CDC25C: variants seen among roughly 807,000 people sequenced by gnomAD.
CDC25C encodes M-phase inducer phosphatase 3.
Under a neutral mutation model 52.5 loss-of-function variants are expected in CDC25C, and 48 were observed. The observed-to-expected ratio is 0.91, with a 90% CI of 0.72 to 1.16. The LOEUF is 1.16. CDC25C is among the 50% of genes most tolerant of loss of function. CDC25C has a pLI of 0.00. For missense variants in CDC25C, 510 were observed against 566.1 expected (o/e 0.90, Z 1.01); for synonymous variants, 187 against 206.5 (o/e 0.91, Z 0.81).
intron 6 of CDC25C, among the ~76,000 whole-genome samples, chr5:138,323,016 T>G: frequency 6.6e-6 from 1 of 151,708 alleles, no homozygotes; most frequent in East Asian, 1.9e-4. Context: ...AGTGCAGTGG[T>G]GTAATCTCAG....
chr5:138,317,697 A>AC (rs1210811521), intron 7 of CDC25C, among the ~76,000 whole-genome samples: 2 of 150,632 alleles, frequency 1.3e-5, no homozygotes, highest in Admixed American at 6.6e-5. Context: ...AAAAAAAAAA[A>AC]AAAAAAAAAA....
intron 7 of CDC25C, among the ~76,000 whole-genome samples, chr5:138,306,295 A>C (rs1006324040): frequency 6.6e-6 from 1 of 152,090 alleles, no homozygotes; most frequent in Non-Finnish European, 1.5e-5. Flanking sequence ...ACAAGAATAT[A>C]AATTCTAGTC....
At chr5:138,306,341 C>T (rs6596428) in intron 7 of CDC25C, among the ~76,000 whole-genome samples, 68,223 of 151,500 alleles carry the variant, frequency 0.45, 16,635 homozygotes, top group South Asian at 0.68. Context: ...GTGCCTAGCA[C>T]ACTTCCCAAC....
At position 138,331,739 on chromosome 5, in the gene CDC25C, A is replaced by G. The variant is rs1254344857; in HGVS notation, c.-183T>C. On this transcript the variant is annotated 5_prime_UTR_variant, in exon 1 of 14. Coordinates refer to ENST00000323760, the MANE Select transcript of CDC25C (RefSeq NM_001790.5). Reference sequence around the variant, plus strand: ...TTGCAGCTCTGCCTTCCGACTGGGTAGGCCAACGTCGGACTCAGAGTCTTC... The same window carrying G: ...TTGCAGCTCTGCCTTCCGACTGGGTGGGCCAACGTCGGACTCAGAGTCTTC... 1.0e-6 allele frequency: 1 copy of G among 989,158 alleles called. No homozygotes were observed. The highest frequency in any genetic ancestry group is 1.7e-5 in the African/African-American group (1 of 57,260). 61.3% of individuals were successfully genotyped at this position (989,158 alleles called of 1,614,324 possible).
intron 7 of CDC25C, among the ~76,000 whole-genome samples, chr5:138,305,560 C>A (rs978150156): frequency 6.6e-6 from 1 of 152,158 alleles, no homozygotes; most frequent in African/African-American, 2.4e-5. Context: ...CACCACCATG[C>A]CTGGCTAATT....
At chr5:138,315,484 A>G (rs1758807456) in intron 7 of CDC25C, among the ~76,000 whole-genome samples, 1 of 152,184 alleles carries the variant, frequency 6.6e-6, no homozygotes, top group Admixed American at 6.5e-5. Context: ...TTATGGAGGT[A>G]TAAATGATAA....
At chr5:138,288,631 G>A (rs1291449219) in intron 10 of CDC25C, among the ~76,000 whole-genome samples, 1 of 152,134 alleles carries the variant, frequency 6.6e-6, no homozygotes, top group African/African-American at 2.4e-5. Context: ...GGCAGAGGTT[G>A]CAGCAAGCCG....
At chr5:138,290,869 C>G in intron 8 of CDC25C, 129 bp from the exon 9 acceptor site, 1 of 609,044 alleles carries the variant, frequency 1.6e-6, no homozygotes. Flanking sequence ...GTAGGGAGAT[C>G]ACTTGAGCCC....
In CDC25C at chr5:138,292,227, G is replaced by A. The variant is rs974884329; in HGVS notation, c.616-111C>T. ...TTGAAATGCAGGTTTCCAGATGTTAGGCCACACCCCAAACCTACTGAATTA... is the reference window on the plus strand; with the variant it reads ...TTGAAATGCAGGTTTCCAGATGTTAAGCCACACCCCAAACCTACTGAATTA... On this transcript the variant is annotated intron_variant, in intron 7 of 13. Coordinates refer to ENST00000323760, the MANE Select transcript of CDC25C (RefSeq NM_001790.5). 6.7e-5 allele frequency: 52 copies of A among 780,748 alleles called. No homozygotes were observed. The African/African-American group carries it at 8.4e-4, about 13-fold the overall frequency. The allele number at this position is 780,748 out of a possible 1,614,324, so 48.4% of individuals were successfully genotyped here. A position where few individuals can be genotyped will look rare whatever the true frequency, so the allele number is the denominator to read the frequency against.
chr5:138,329,628 G>A lies in CDC25C; in HGVS notation c.214C>T (p.Leu72Phe), dbSNP rs1186011577. ...CCACTGCTAAGATTCGAAAGATCGA[G>A]GCAACGTTTTGGGGTTCCTCTGTTG... The part of the protein sequence containing the change: ...ILSGGTPKRC[L>F]DLSNLSSGEI... Residue 72 changes from leucine (L) to phenylalanine (F), a missense_variant, in exon 3 of 14, where the codon CTC becomes TTC. By Grantham distance (22) the Leu-to-Phe change is conservative. Coordinates refer to ENST00000323760, the MANE Select transcript of CDC25C (RefSeq NM_001790.5). 3 of 1,612,290 alleles carry A rather than the reference G, an allele frequency of 1.9e-6. No homozygotes were observed. The highest frequency in any genetic ancestry group is 2.5e-6 in the Non-Finnish European group (3 of 1,178,730).
chr5:138,313,554 GAATT>G (rs1466773752), intron 7 of CDC25C, among the ~76,000 whole-genome samples: 1 of 151,976 alleles, frequency 6.6e-6, no homozygotes. Flanking sequence ...TGTATAAAAA[GAATT>G]AATATATAAA....
At chr5:138,286,822 A>T (rs1422340335) in intron 11 of CDC25C, among the ~76,000 whole-genome samples, 192 bp from the exon 12 acceptor site, 1 of 152,216 alleles carries the variant, frequency 6.6e-6, no homozygotes, top group African/African-American at 2.4e-5. Flanking sequence ...TAGATGGTCA[A>T]TAAATGTTTA....
At chr5:138,297,203 G>A (rs1464389475) in intron 7 of CDC25C, among the ~76,000 whole-genome samples, 4 of 151,950 alleles carry the variant, frequency 2.6e-5, no homozygotes, top group African/African-American at 7.3e-5. Flanking sequence ...GAGCCACCGC[G>A]CCTGGCCATT....
intron 7 of CDC25C, among the ~76,000 whole-genome samples, chr5:138,295,537 C>T (rs1757114353): frequency 6.6e-6 from 1 of 151,360 alleles, no homozygotes; most frequent in African/African-American, 2.4e-5. Flanking sequence ...CGATTGAGCC[C>T]AGGATGTTGA....
chr5:138,295,645 A>C (rs938328336), intron 7 of CDC25C, among the ~76,000 whole-genome samples: 1 of 152,118 alleles, frequency 6.6e-6, no homozygotes, highest in Non-Finnish European at 1.5e-5. Context: ...GGAAAGAGCA[A>C]GCTACTTCTT....
intron 4 of CDC25C, among the ~76,000 whole-genome samples, chr5:138,326,896 G>A (rs1198801672): frequency 2.1e-4 from 30 of 143,342 alleles, no homozygotes; most frequent in African/African-American, 7.5e-4. Context: ...AGGTTGTGGT[G>A]AGCCGAGATC....
At chr5:138,286,162 G>A (rs1177547398) in intron 12 of CDC25C, 29 bp from the exon 13 acceptor site, 10 of 1,546,732 alleles carry the variant, frequency 6.5e-6, no homozygotes, top group Non-Finnish European at 7.1e-6. Flanking sequence ...GATGGGTGGG[G>A]TGGAAAGAAA....
At position 138,291,133 on chromosome 5, in the gene CDC25C, A is replaced by T. The variant is rs189841055; in HGVS notation, c.763-393T>A. 7.1e-3 allele frequency among the ~76,000 whole-genome samples: 1,074 copies of T among 151,096 alleles called. 6 individuals are homozygous for T. Among genetic ancestry groups the T allele is most frequent in the African/African-American group, 0.024 (998 of 41,194 alleles). The stretch of plus-strand genomic sequence containing the variant: ...TTTTAGAATTTTAATTTTTTATTTT[A>T]TTTTTTTTTATTAGAGATGGGGTCA... On this transcript the variant is annotated intron_variant, in intron 8 of 13. Transcript: ENST00000323760.
chr5:138,292,415 G>A (rs1355318406), intron 7 of CDC25C, among the ~76,000 whole-genome samples: 1 of 140,962 alleles, frequency 7.1e-6, no homozygotes, highest in Non-Finnish European at 1.5e-5. Context: ...GCAGCTGACT[G>A]TCTTAGATGC....
Sources: gnomAD v4.1 joint callset for allele counts (sites outside exome capture counted in the v4.1 genomes callset) on GRCh38, gnomAD v4.1.1 for gene constraint, MANE v1.5 for transcripts, NCBI Gene and HGNC (gene_info 2026-07-23, HGNC 2026-07-21) for gene names.